Variants in EBPL observed in about 807,000 individuals in gnomAD.
The protein encoded by EBPL is EBP like.
Under a neutral mutation model 19.0 loss-of-function variants are expected in EBPL, and 20 were observed. The ratio of observed to expected loss-of-function variants is 1.05; its 90% CI spans 0.74 to 1.53. EBPL has a LOEUF of 1.53. Among genes scored for constraint, EBPL ranks in the 40% most tolerant of loss-of-function variants. EBPL has a pLI of 0.00. For synonymous variants in EBPL, 107 were observed against 117.0 expected, an observed-to-expected ratio of 0.91 and a Z score of 0.55; for missense variants, 219 against 261.1, an observed-to-expected ratio of 0.84 and a Z score of 1.11.
intron 2 of EBPL, among the ~76,000 whole-genome samples, chr13:49,664,324 G>A (rs1026228553): frequency 1.3e-5 from 2 of 152,162 alleles, no homozygotes; most frequent in Non-Finnish European, 2.9e-5. Context: ...GGGAGGGGAG[G>A]AGAGAGCCCA....
At position 49,663,124 on chromosome 13, in the gene EBPL, T is replaced by A; in HGVS notation, c.313A>T (p.Thr105Ser). ...GCCAGAGACCCATCCAGGGCGACGG[T>A]CAGAATTTCCACAGACACAATGGTT... ...DPTIVSVEIL[T>S]VALDGSLALF... The change falls in exon 3 of 4, where the codon ACC becomes TCC. Residue 105 changes from threonine to serine, a missense_variant. Thr to Ser is a moderately conservative substitution (Grantham distance 58). Around this residue, in one of 2 missense-constraint regions of EBPL, gnomAD observed 170 missense variants for 167.0 expected, o/e 1.02. Transcript: ENST00000242827. 7 of 1,614,156 alleles carry A rather than the reference T, an allele frequency of 4.3e-6. No individual in the cohort carries two copies. Among genetic ancestry groups the A allele is most frequent in the Non-Finnish European group, 5.9e-6 (7 of 1,180,032 alleles).
intron 1 of EBPL, among the ~76,000 whole-genome samples, chr13:49,678,702 G>A (rs1338855727): frequency 2.0e-5 from 3 of 152,186 alleles, no homozygotes; most frequent in Non-Finnish European, 4.4e-5. Flanking sequence ...CGCTCTGGCC[G>A]CGGCCAGCCC....
At chr13:49,691,129 T>A (rs1954058683) in intron 1 of EBPL, 125 bp downstream of exon 1, 2 of 922,848 alleles carry the variant, frequency 2.2e-6, no homozygotes, top group South Asian at 1.1e-4. Context: ...CTAACAGACT[T>A]CCTGCAGCAG....
intron 2 of EBPL, among the ~76,000 whole-genome samples, chr13:49,665,553 G>C (rs1484468029): frequency 6.6e-6 from 1 of 152,198 alleles, no homozygotes; most frequent in Non-Finnish European, 1.5e-5. Context: ...TTACAGGCTT[G>C]AGTCACTGCA....
chr13:49,679,983 A>G (rs1380734472), intron 1 of EBPL, among the ~76,000 whole-genome samples: 1 of 152,168 alleles, frequency 6.6e-6, no homozygotes, highest in African/African-American at 2.4e-5. Flanking sequence ...GTCGCTCACC[A>G]ATTTCCAGCC....
intron 1 of EBPL, among the ~76,000 whole-genome samples, chr13:49,682,997 A>C (rs541664476): frequency 6.6e-6 from 1 of 152,176 alleles, no homozygotes; most frequent in Admixed American, 6.5e-5. Flanking sequence ...TTATTGAGCT[A>C]GAGTCTCCCT....
intron 1 of EBPL, among the ~76,000 whole-genome samples, chr13:49,685,932 G>GA (rs1269705495): frequency 6.6e-6 from 1 of 152,064 alleles, no homozygotes; most frequent in Non-Finnish European, 1.5e-5. Context: ...AACAGACGGT[G>GA]ATGTGAACTG....
At chr13:49,666,774 C>T (rs1339849343) in intron 2 of EBPL, among the ~76,000 whole-genome samples, 4 of 149,978 alleles carry the variant, frequency 2.7e-5, no homozygotes, top group Non-Finnish European at 5.9e-5. Context: ...CCTGTAGTTC[C>T]AGCTACTTGG....
intron 1 of EBPL, 73 bp downstream of exon 1, chr13:49,691,181 C>G: frequency 8.2e-7 from 1 of 1,223,302 alleles, no homozygotes; most frequent in African/African-American, 1.6e-5. Context: ...CGCAGGACCC[C>G]CTCACCCCGC....
intron 2 of EBPL, among the ~76,000 whole-genome samples, chr13:49,663,695 T>C (rs532615371): frequency 2.6e-5 from 4 of 152,014 alleles, no homozygotes; most frequent in East Asian, 3.9e-4. Flanking sequence ...CCCAACACTT[T>C]GGGAGGCCAA....
At chr13:49,667,546 G>A (rs1965246222) in intron 2 of EBPL, among the ~76,000 whole-genome samples, 1 of 152,194 alleles carries the variant, frequency 6.6e-6, no homozygotes, top group Admixed American at 6.5e-5. Context: ...AGATTCCCAG[G>A]TGATCTGGGG....
At chr13:49,678,031 A>T (rs58325618) in intron 1 of EBPL, among the ~76,000 whole-genome samples, 1 of 151,514 alleles carries the variant, frequency 6.6e-6, no homozygotes, top group Non-Finnish European at 1.5e-5. Context: ...AAGGGGACCC[A>T]AGCCGGTTGC....
At chr13:49,681,168 T>C (rs1953939093) in intron 1 of EBPL, among the ~76,000 whole-genome samples, 1 of 152,260 alleles carries the variant, frequency 6.6e-6, no homozygotes, top group Admixed American at 6.5e-5. Flanking sequence ...ACTGGACATA[T>C]GTTATAAAAT....
In EBPL at chr13:49,687,516, T is replaced by C. The variant is rs181337040; in HGVS notation, c.171+3738A>G. On this transcript the variant is annotated intron_variant, in intron 1 of 3. Coordinates refer to ENST00000242827, the MANE Select transcript of EBPL (RefSeq NM_032565.5). ...GACATTTATATCAATTTTAAGAATG[T>C]TTCTATAATGAGCCTTTCCAGAGTA... 2.0e-3 allele frequency among the ~76,000 whole-genome samples: 300 copies of C among 152,282 alleles called. 1 individual carries two copies. Among genetic ancestry groups the C allele is most frequent in the African/African-American group, 6.9e-3 (286 of 41,546 alleles).
chr13:49,676,271 G>A (rs1277679628), intron 1 of EBPL, among the ~76,000 whole-genome samples: 1 of 152,168 alleles, frequency 6.6e-6, no homozygotes, highest in African/African-American at 2.4e-5. Context: ...CTCCCCTGCT[G>A]CCTGGTAACC....
chr13:49,662,918 G>A (rs1965170048), intron 3 of EBPL, 139 bp downstream of exon 3: 5 of 1,139,720 alleles, frequency 4.4e-6, no homozygotes, highest in Admixed American at 2.7e-5. Flanking sequence ...TTACAGGTGG[G>A]AGCCACCGCG....
chr13:49,688,236 T>C (rs1013246394), intron 1 of EBPL, among the ~76,000 whole-genome samples: 1 of 152,128 alleles, frequency 6.6e-6, no homozygotes, highest in Non-Finnish European at 1.5e-5. Context: ...TGATGGGAAG[T>C]CAGCCTGCCC....
chr13:49,686,488 T>TC (rs1325670298), intron 1 of EBPL: 1 of 1,287,516 alleles, frequency 7.8e-7, no homozygotes, highest in Non-Finnish European at 1.0e-6. Flanking sequence ...TTATTTTCTT[T>TC]CTTTTTTTTT....
chr13:49,686,142 C>T (rs1397243272), intron 1 of EBPL, among the ~76,000 whole-genome samples: 2 of 152,226 alleles, frequency 1.3e-5, no homozygotes, highest in African/African-American at 4.8e-5. Context: ...GAAGCAACAA[C>T]CAGGCAGAGG....
Sources: allele counts gnomAD v4.1 joint callset (sites outside exome capture counted in the v4.1 genomes callset), GRCh38; gene constraint gnomAD v4.1.1; regional missense constraint gnomAD v4.1.1; transcripts MANE v1.5; gene names NCBI Gene and HGNC (gene_info 2026-07-23, HGNC 2026-07-21).